The following TBC1D8 variants were observed in gnomAD, a reference collection of about 807,000 sequenced individuals.
The protein encoded by TBC1D8 is BUB2-like protein 1.
A neutral mutation model predicts 118.8 loss-of-function variants in TBC1D8; 65 were observed. The observed-to-expected ratio is 0.55, with a 90% CI of 0.45 to 0.67. The LOEUF (loss-of-function observed/expected upper bound fraction) is 0.67. Among genes scored for constraint, TBC1D8 ranks in the 30% least tolerant of loss-of-function variants. The pLI is 0.00. For synonymous variants in TBC1D8, 566 were observed against 595.8 expected (o/e 0.95, Z 0.73); for missense variants, 1,376 against 1,471.2 (o/e 0.94, Z 1.06).
intron 1 of TBC1D8, among the ~76,000 whole-genome samples, chr2:101,109,542 T>G (rs972448037): frequency 6.6e-6 from 1 of 152,118 alleles, no homozygotes; most frequent in Non-Finnish European, 1.5e-5. Context: ...ACTTAGTCCG[T>G]CCTTTTATAA....
intron 2 of TBC1D8, among the ~76,000 whole-genome samples, chr2:101,070,329 G>C (rs1683241527): frequency 6.6e-6 from 1 of 151,078 alleles, no homozygotes; most frequent in African/African-American, 2.4e-5. Context: ...AATTTTCTGT[G>C]CCATGTTATG....
intron 12 of TBC1D8, 96 bp downstream of exon 12, chr2:101,029,395 A>T (rs935787279): frequency 7.1e-5 from 32 of 452,298 alleles, no homozygotes; most frequent in Admixed American, 3.0e-4. Context: ...CTGTCTCAAT[A>T]AAAAAAAAAA....
chr2:101,009,274 C>T (rs537223741), intron 19 of TBC1D8, among the ~76,000 whole-genome samples: 20 of 151,996 alleles, frequency 1.3e-4, no homozygotes, highest in African/African-American at 4.1e-4. Flanking sequence ...GGCTTGGTGG[C>T]GGGCGCCTGT....
chr2:101,014,478 C>A (rs1573862497), intron 17 of TBC1D8, among the ~76,000 whole-genome samples: 1 of 152,160 alleles, frequency 6.6e-6, no homozygotes, highest in South Asian at 2.1e-4. Context: ...CAAATTTCAT[C>A]AACACATCAT....
rs576166535 is a variant in TBC1D8, at chr2:101,037,474, C to T, written c.1452+58G>A. The stretch of plus-strand genomic sequence containing the variant: ...CATGGTGACTCAGACAGCTGGGCAA[C>T]CCCCCCAAGCCCACGGCTCAGCTTT... On this transcript the variant is annotated intron_variant, in intron 8 of 19. Transcript: ENST00000409318. 294 of 1,569,612 alleles carry T rather than the reference C, an allele frequency of 1.9e-4. 4 individuals carry two copies. In the East Asian group the frequency reaches 6.5e-3, roughly 35 times the overall value.
chr2:101,090,148 G>A, intron 2 of TBC1D8, 61 bp downstream of exon 2: 3 of 1,540,324 alleles, frequency 1.9e-6, no homozygotes, highest in Non-Finnish European at 1.8e-6. Context: ...TCACCAACAT[G>A]CAGATACTCA....
chr2:101,036,088 C>G lies in TBC1D8; in HGVS notation c.1533G>C (p.Glu511Asp). 6.2e-7 allele frequency: 1 copy of G among 1,614,076 alleles called. No homozygotes were observed. Among genetic ancestry groups the G allele is most frequent in the Non-Finnish European group, 8.5e-7 (1 of 1,179,906 alleles). Residue 511 changes from glutamate to aspartate, a missense_variant, in exon 9 of 20, where the codon GAG becomes GAC. Transcript: ENST00000409318. Reference sequence around the variant, plus strand: ...CCATGGCTACGAGCTTCCGAATCTTCTCTGTGCGAAACATACACACGGTTC... The same window carrying G: ...CCATGGCTACGAGCTTCCGAATCTTGTCTGTGCGAAACATACACACGGTTC... ...YGRTVCMFRTEKIRKLVAMGI... is the reference protein window; with the variant it reads ...YGRTVCMFRTDKIRKLVAMGI...
chr2:101,093,748 C>T (rs1160104283), intron 1 of TBC1D8, among the ~76,000 whole-genome samples: 4 of 151,786 alleles, frequency 2.6e-5, no homozygotes, highest in African/African-American at 9.7e-5. Flanking sequence ...GTCACTCTAT[C>T]GCCCAGGTTG....
At chr2:101,132,579 T>G (rs1678642717) in intron 1 of TBC1D8, among the ~76,000 whole-genome samples, 1 of 152,200 alleles carries the variant, frequency 6.6e-6, no homozygotes, top group Non-Finnish European at 1.5e-5. Context: ...GTTTTGTGTT[T>G]GACAATTTTG....
At chr2:101,149,677 G>A (rs1573125659) in intron 1 of TBC1D8, among the ~76,000 whole-genome samples, 2 of 152,146 alleles carry the variant, frequency 1.3e-5, no homozygotes, top group Non-Finnish European at 2.9e-5. Flanking sequence ...AGAAAGGGAG[G>A]GACGACAAAT....
At chr2:101,042,006 C>T (rs947192818) in intron 5 of TBC1D8, among the ~76,000 whole-genome samples, 1 of 151,754 alleles carries the variant, frequency 6.6e-6, no homozygotes, top group African/African-American at 2.4e-5. Context: ...GCCTGGGCGA[C>T]ACAGTGAGAC....
intron 17 of TBC1D8, chr2:101,017,972 G>T: frequency 3.9e-6 from 6 of 1,536,248 alleles, no homozygotes; most frequent in Non-Finnish European, 5.3e-6. Flanking sequence ...TCATTATAGA[G>T]GATTCGAACG....
chr2:101,147,363 A>G (rs909952604), intron 1 of TBC1D8, among the ~76,000 whole-genome samples: 1 of 152,174 alleles, frequency 6.6e-6, no homozygotes, highest in Admixed American at 6.5e-5. Flanking sequence ...TGCAGCAGCT[A>G]CATTTTCAGT....
chr2:101,054,089 C>T lies in TBC1D8; in HGVS notation c.631+19G>A. Reference sequence around the variant, plus strand: ...TGGGGCCAACTTTATCTTGGAAGAGCCTGCCAGGCCTCACTTACGTTCCTT... The same window carrying T: ...TGGGGCCAACTTTATCTTGGAAGAGTCTGCCAGGCCTCACTTACGTTCCTT... On this transcript the variant is annotated intron_variant, in intron 4 of 19. Transcript: ENST00000409318. 1.3e-6 allele frequency: 2 copies of T among 1,593,616 alleles called. No homozygotes were observed. Among genetic ancestry groups the T allele is most frequent in the Non-Finnish European group, 1.7e-6 (2 of 1,168,216 alleles).
At chr2:101,052,965 T>C (rs960800633) in intron 4 of TBC1D8, among the ~76,000 whole-genome samples, 6 of 152,220 alleles carry the variant, frequency 3.9e-5, no homozygotes, top group African/African-American at 1.2e-4. Context: ...CACCACCAAC[T>C]TTCATTCATT....
intron 3 of TBC1D8, among the ~76,000 whole-genome samples, chr2:101,055,440 A>G (rs1307685404): frequency 6.6e-6 from 1 of 152,114 alleles, no homozygotes; most frequent in Non-Finnish European, 1.5e-5. Context: ...ATTAGGTTCA[A>G]AAATGTTGGT....
At chr2:101,027,501 CA>C in intron 14 of TBC1D8, 50 bp from the exon 15 acceptor site, 1 of 1,550,712 alleles carries the variant, frequency 6.4e-7, no homozygotes, top group Non-Finnish European at 8.9e-7. Flanking sequence ...CCTGCACCCC[CA>C]GGGGTCAGGG....
At chr2:101,090,497 C>T (rs1675965012) in intron 1 of TBC1D8, 133 bp from the exon 2 acceptor site, 3 of 948,904 alleles carry the variant, frequency 3.2e-6, no homozygotes, top group South Asian at 3.4e-5. Flanking sequence ...AGTTCTTCAA[C>T]TCACCTCACA....
intron 2 of TBC1D8, among the ~76,000 whole-genome samples, chr2:101,066,622 A>G (rs1683029563): frequency 1.3e-5 from 2 of 152,200 alleles, no homozygotes; most frequent in South Asian, 4.1e-4. Flanking sequence ...ATATCACAAT[A>G]AAGTAAGTCA....
Sources: gnomAD v4.1 joint callset for allele counts (sites outside exome capture counted in the v4.1 genomes callset) on GRCh38, gnomAD v4.1.1 for gene constraint, MANE v1.5 for transcripts, NCBI Gene and HGNC (gene_info 2026-07-23, HGNC 2026-07-21) for gene names.